Variants in GTPBP2 observed in about 807,000 individuals in gnomAD.
The protein encoded by GTPBP2 is GTP-binding protein 2.
A neutral mutation model predicts 63.0 loss-of-function variants in GTPBP2; 32 were observed. That is an observed-to-expected ratio of 0.51 (90% CI 0.38 to 0.68). The LOEUF (loss-of-function observed/expected upper bound fraction) is 0.68. Among genes scored for constraint, GTPBP2 ranks in the 30% least tolerant of loss-of-function variants. GTPBP2 has a pLI of 0.00. For synonymous variants in GTPBP2, 310 were observed against 322.6 expected, an observed-to-expected ratio of 0.96 and a Z score of 0.42; for missense variants, 492 against 796.9, an observed-to-expected ratio of 0.62 and a Z score of 4.61.
In GTPBP2 at chr6:43,629,123, G is replaced by A; in HGVS notation, c.40C>T (p.Arg14Trp). 1.4e-6 allele frequency: 2 copies of A among 1,389,034 alleles called. No homozygotes were observed. Among genetic ancestry groups the A allele is most frequent in the Non-Finnish European group, 9.5e-7 (1 of 1,050,008 alleles). The allele number at this position is 1,389,034 out of a possible 1,614,324, so 86.0% of individuals were successfully genotyped here. A position where few individuals can be genotyped will look rare whatever the true frequency, so the allele number is the denominator to read the frequency against. ...RVSELFGGCCRPGGGPAVGGT... is the reference protein window; with the variant it reads ...RVSELFGGCCWPGGGPAVGGT... ...CCCACGGCCGGGCCCCCTCCGGGCC[G>A]GCAGCAGCCGCCGAACAGCTCCGAT... Residue 14 changes from arginine to tryptophan, a missense_variant, in exon 1 of 12, where the codon CGG becomes TGG. This residue lies in a region of GTPBP2 where 92 missense variants were observed against 86.1 expected (regional missense o/e 1.07). Transcript: ENST00000307126.
Position 43,621,995 on chromosome 6 carries a change from C to A in GTPBP2, c.1632+8G>T. On this transcript the variant is annotated splice_region_variant and intron_variant, in intron 11 of 11. Transcript: ENST00000307126. ...CTCTGGAGAAATGGAAGGCCAGGTC[C>A]CTCTCACCTTGGCATGGATCTTTTC... is the stretch of plus-strand genomic sequence containing the variant. 8 of 1,613,880 alleles carry A rather than the reference C, an allele frequency of 5.0e-6. No homozygotes were observed. The highest frequency in any genetic ancestry group is 6.8e-6 in the Non-Finnish European group (8 of 1,179,728).
At position 43,622,691 on chromosome 6, in the gene GTPBP2, C is replaced by T. The variant is rs889848479; in HGVS notation, c.1409G>A (p.Arg470Gln). The T allele has an allele frequency of 1.9e-6, 3 of 1,614,138 alleles. No homozygotes were observed. Among genetic ancestry groups the T allele is most frequent in the South Asian group, 1.1e-5 (1 of 91,088 alleles). Residue 470 changes from arginine (R) to glutamine (Q), a missense_variant, in exon 10 of 12, where the codon CGA becomes CAA. By Grantham distance (43) the Arg-to-Gln change is conservative. Coordinates refer to ENST00000307126, the MANE Select transcript of GTPBP2 (RefSeq NM_019096.5). The surrounding 1 kb of genome is among the most constrained non-coding windows in gnomAD (Gnocchi z 5.4). ...CGCCAGTGTAGCAGCCTGACCAGCT[C>T]GCAGCACACGACAGGCAGAGCGGTT... The part of the protein sequence containing the change: ...QRNRSACRVL[R>Q]AGQAATLALG...
At chr6:43,630,925 A>G (rs1405414178), upstream of GTPBP2, among the ~76,000 whole-genome samples, 2 of 151,590 alleles carry the variant, frequency 1.3e-5, no homozygotes, top group Admixed American at 6.6e-5. Context: ...AAAAAAAAAA[A>G]AAAAAAGAAA....
rs1012588030 is a variant in GTPBP2 at position 43,622,311 on chromosome 6, C to G, written c.1468-144G>C. The stretch of plus-strand genomic sequence containing the variant: ...CACAAAGACCTCAAAAGACAATAAT[C>G]AAAACTCTCAGAGGGAATGAGTCTT... On this transcript the variant is annotated intron_variant, in intron 10 of 11. Transcript: ENST00000307126. This position sits in a 1 kb window ranked among gnomAD's most constrained non-coding sequence, Gnocchi z 5.4. The G allele has an allele frequency of 5.6e-6, 4 of 718,408 alleles. No homozygotes were observed. The highest frequency in any genetic ancestry group is 9.0e-6 in the Non-Finnish European group (4 of 442,336). 44.5% of individuals were successfully genotyped at this position (718,408 alleles called of 1,614,324 possible).
rs1239688890 is a variant in GTPBP2 at position 43,625,873 on chromosome 6, G to T, written c.399-9C>A. On this transcript the variant is annotated splice_polypyrimidine_tract_variant and intron_variant, in intron 3 of 11. Coordinates refer to ENST00000307126, the MANE Select transcript of GTPBP2 (RefSeq NM_019096.5). The surrounding 1 kb of genome is among the most constrained non-coding windows in gnomAD (Gnocchi z 5.1). The stretch of plus-strand genomic sequence containing the variant: ...TTATGTCTGCCCCAACCCTGTCACA[G>T]CAAGGCCACAGCTGCCATATCTCAC... The T allele has an allele frequency of 6.2e-7, 1 of 1,603,086 alleles. No individual in the cohort carries two copies. Among genetic ancestry groups the T allele is most frequent in the Non-Finnish European group, 8.5e-7 (1 of 1,170,062 alleles).
At chr6:43,623,464 T>G in intron 9 of GTPBP2, 1 of 513,424 alleles carries the variant, frequency 1.9e-6, no homozygotes, top group South Asian at 2.6e-5. Flanking sequence ...TGAAGTCAGT[T>G]GAATACACTC....
chr6:43,625,707 G>C lies in GTPBP2; in HGVS notation c.507+49C>G, dbSNP rs899221202. ...GCCAGGAGACAGCCTGCCACCACAG[G>C]GCCCTTCCACAGTGTGGACATGAGA... On this transcript the variant is annotated intron_variant, in intron 4 of 11. Transcript: ENST00000307126. The surrounding 1 kb of genome is among the most constrained non-coding windows in gnomAD (Gnocchi z 5.1). The C allele has an allele frequency of 6.7e-7, 1 of 1,484,250 alleles. No homozygotes were observed. Among genetic ancestry groups the C allele is most frequent in the South Asian group, 1.1e-5 (1 of 88,670 alleles). 91.9% of individuals were successfully genotyped at this position (1,484,250 alleles called of 1,614,324 possible).
In GTPBP2 at chr6:43,621,504, CT is replaced by C. The variant is rs1427824304; in HGVS notation, c.*109del. 6.4e-7 allele frequency: 1 copy of C among 1,573,622 alleles called. No individual in the cohort carries two copies. The highest frequency in any genetic ancestry group is 2.3e-5 in the East Asian group (1 of 42,614). ...AGGGAGCAAGTGGCAGACAGCACCC[CT>C]CTCTCCCTAGCCTATTAACACACAG... On this transcript the variant is annotated 3_prime_UTR_variant, in exon 12 of 12. Coordinates refer to ENST00000307126, the MANE Select transcript of GTPBP2 (RefSeq NM_019096.5).
In GTPBP2 at chr6:43,626,825, T is replaced by G; in HGVS notation, c.213+97A>C. 1.0e-6 allele frequency: 1 copy of G among 995,172 alleles called. No individual in the cohort carries two copies. Among genetic ancestry groups the G allele is most frequent in the Admixed American group, 2.3e-5 (1 of 43,136 alleles). The allele number at this position is 995,172 out of a possible 1,614,324, so 61.6% of individuals were successfully genotyped here. ...CCTAGGCAACAAGAGCAAAACTTCA[T>G]CTCAAAAAAAAAAAAGAAAGAAAGA... On this transcript the variant is annotated intron_variant, in intron 2 of 11. Transcript: ENST00000307126. This position sits in a 1 kb window ranked among gnomAD's most constrained non-coding sequence, Gnocchi z 4.0.
Position 43,624,554 on chromosome 6 carries a change from C to T in GTPBP2, c.1056G>A (p.Glu352=), listed in dbSNP as rs771171290. The change falls in exon 7 of 12, where the codon GAG becomes GAA. Residue 352 remains glutamate, a synonymous_variant. Transcript: ENST00000307126. The surrounding 1 kb of genome is among the most constrained non-coding windows in gnomAD (Gnocchi z 5.1). ...CHKVPMLVTS[E]DDAVTAAQQF... ...GCTGGGCAGCAGTGACGGCATCATC[C>T]TCAGAGGTGACCAGCATGGGGACCT... 1.9e-6 allele frequency: 3 copies of T among 1,614,128 alleles called. No individual in the cohort carries two copies. In the East Asian group the frequency reaches 6.7e-5, roughly 36 times the overall value.
upstream of GTPBP2, chr6:43,629,766 T>TGGGGTGA: frequency 1.3e-6 from 2 of 1,561,456 alleles, no homozygotes; most frequent in Non-Finnish European, 1.7e-6. Flanking sequence ...CGCGTGCCGC[T>TGGGGTGA]GGGGTGAGTC....
intron 1 of GTPBP2, among the ~76,000 whole-genome samples, chr6:43,628,015 C>T (rs562536004): frequency 9.2e-5 from 14 of 152,120 alleles, no homozygotes; most frequent in Non-Finnish European, 1.5e-4. Context: ...TAGTATCACA[C>T]GGGAACTTAT....
Position 43,625,956 on chromosome 6 carries a change from A to G in GTPBP2, c.399-92T>C, listed in dbSNP as rs1011924624. ...CCTACAGACTTCCTGCACCTCCCAC[A>G]GAGCTCCCAATACCTTAGTGCACTT... On this transcript the variant is annotated intron_variant, in intron 3 of 11. Coordinates refer to ENST00000307126, the MANE Select transcript of GTPBP2 (RefSeq NM_019096.5). This position sits in a 1 kb window ranked among gnomAD's most constrained non-coding sequence, Gnocchi z 5.1. 12 of 965,846 alleles carry G rather than the reference A, an allele frequency of 1.2e-5. No homozygotes were observed. The highest frequency in any genetic ancestry group is 1.8e-5 in the Non-Finnish European group (11 of 598,252). 59.8% of individuals were successfully genotyped at this position (965,846 alleles called of 1,614,324 possible).
intron 8 of GTPBP2, 44 bp from the exon 9 acceptor site, chr6:43,623,839 T>C: frequency 6.2e-7 from 1 of 1,609,874 alleles, no homozygotes; most frequent in Non-Finnish European, 8.5e-7. Flanking sequence ...CAAGTAGGGC[T>C]GGTGGGTCCA....
chr6:43,627,864 G>A (rs1212732176), intron 1 of GTPBP2, among the ~76,000 whole-genome samples: 2 of 149,900 alleles, frequency 1.3e-5, no homozygotes, highest in Non-Finnish European at 2.9e-5. Flanking sequence ...GTGTGTTAAG[G>A]AGATTATTTT....
At position 43,622,012 on chromosome 6, in the gene GTPBP2, G is replaced by T; in HGVS notation, c.1623C>A (p.Ile541=). The T allele has an allele frequency of 6.2e-7, 1 of 1,614,172 alleles. No individual in the cohort carries two copies. The highest frequency in any genetic ancestry group is 8.5e-7 in the Non-Finnish European group (1 of 1,180,008). Residue 541 remains isoleucine, a synonymous_variant, in exon 11 of 12, where the codon ATC becomes ATA. Transcript: ENST00000307126. The surrounding 1 kb of genome is among the most constrained non-coding windows in gnomAD (Gnocchi z 5.4). The part of the protein sequence containing the change: ...NVRQTAVVEK[I]HAKDKLRTGE... ...GCCAGGTCCCTCTCACCTTGGCATG[G>T]ATCTTTTCCACCACTGCCGTCTGAC... is the stretch of plus-strand genomic sequence containing the variant.
chr6:43,626,827 TC>T lies in GTPBP2; in HGVS notation c.213+94del. On this transcript the variant is annotated intron_variant, in intron 2 of 11. Coordinates refer to ENST00000307126, the MANE Select transcript of GTPBP2 (RefSeq NM_019096.5). The surrounding 1 kb of genome is among the most constrained non-coding windows in gnomAD (Gnocchi z 4.0). ...TAGGCAACAAGAGCAAAACTTCATC[TC>T]AAAAAAAAAAAAGAAAGAAAGAAAA... 1 of 993,456 alleles carries T rather than the reference TC, an allele frequency of 1.0e-6. No individual in the cohort carries two copies. Among genetic ancestry groups the T allele is most frequent in the Non-Finnish European group, 1.5e-6 (1 of 671,308 alleles). 61.5% of individuals were successfully genotyped at this position (993,456 alleles called of 1,614,324 possible).
chr6:43,629,017 C>T lies in GTPBP2; in HGVS notation c.146G>A (p.Arg49Lys). The T allele has an allele frequency of 6.2e-7, 1 of 1,613,864 alleles. No individual in the cohort carries two copies. Among genetic ancestry groups the T allele is most frequent in the Non-Finnish European group, 8.5e-7 (1 of 1,179,882 alleles). ...CGGGGGGTTGTTGGCTTTGCCCCCT[C>T]TGTTCCTTCCGTTCTTCTTCTTTCC... ...PKGKKKNGRN[R>K]GGKANNPPYL... The change falls in exon 1 of 12, where the codon AGA (arginine) becomes AAA (lysine). Residue 49 changes from arginine to lysine, a missense_variant. Physicochemically the swap from Arg to Lys is conservative, Grantham distance 26. This residue lies in a region of GTPBP2 where 92 missense variants were observed against 86.1 expected (regional missense o/e 1.07). Coordinates refer to ENST00000307126, the MANE Select transcript of GTPBP2 (RefSeq NM_019096.5).
Position 43,629,251 on chromosome 6 carries a change from G to T in GTPBP2, c.-89C>A, listed in dbSNP as rs1279403033. On this transcript the variant is annotated 5_prime_UTR_variant, in exon 1 of 12. Transcript: ENST00000307126. Reference sequence around the variant, plus strand: ...CTTACTGCCACTGCCGTGTCCGGCCGGCCTGAGCAGAGTGGGGTGGGGCTC... The same window carrying T: ...CTTACTGCCACTGCCGTGTCCGGCCTGCCTGAGCAGAGTGGGGTGGGGCTC... The T allele has an allele frequency of 6.1e-6, 6 of 981,144 alleles. No individual in the cohort carries two copies. Among genetic ancestry groups the T allele is most frequent in the Admixed American group, 8.6e-5 (2 of 23,258 alleles). 60.8% of individuals were successfully genotyped at this position (981,144 alleles called of 1,614,324 possible). A position where few individuals can be genotyped will look rare whatever the true frequency, so the allele number is the denominator to read the frequency against.
Sources: gnomAD v4.1 joint callset for allele counts (sites outside exome capture counted in the v4.1 genomes callset) on GRCh38, gnomAD v4.1.1 for gene constraint, gnomAD v4.1.1 regional missense constraint, Gnocchi (gnomAD v3.1) non-coding constraint, MANE v1.5 for transcripts, NCBI Gene and HGNC (gene_info 2026-07-23, HGNC 2026-07-21) for gene names.